Variants in ERBB4 observed in about 807,000 individuals in gnomAD.
ERBB4 encodes the protein receptor tyrosine-protein kinase erbB-4.
A neutral mutation model predicts 158.0 loss-of-function variants in ERBB4; 42 were observed. The ratio of observed to expected loss-of-function variants is 0.27; its 90% CI spans 0.21 to 0.34. ERBB4 has a LOEUF of 0.34. Ranked by LOEUF, ERBB4 falls within the 10% of genes least tolerant of loss-of-function variation. The probability of loss-of-function intolerance (pLI) is 1.00; values close to 1 mark genes in which losing one functional copy is unlikely to be tolerated. For synonymous variants in ERBB4, 583 were observed against 558.7 expected (o/e 1.04, Z -0.61); for missense variants, 1,333 against 1,624.1 (o/e 0.82, Z 3.08).
intron 12 of ERBB4, among the ~76,000 whole-genome samples, chr2:211,690,412 G>A (rs1409422517): frequency 1.3e-5 from 2 of 152,204 alleles, no homozygotes; most frequent in East Asian, 3.9e-4. Context: ...AAATTGGAGA[G>A]GAAGCTTCAG....
intron 20 of ERBB4, among the ~76,000 whole-genome samples, chr2:211,487,503 C>G (rs1472526063): frequency 6.6e-6 from 1 of 152,060 alleles, no homozygotes; most frequent in Non-Finnish European, 1.5e-5. Flanking sequence ...TAGACATACA[C>G]TCAAAACACC....
At chr2:211,976,828 T>C (rs756400272) in intron 2 of ERBB4, among the ~76,000 whole-genome samples, 2 of 152,088 alleles carry the variant, frequency 1.3e-5, no homozygotes, top group Non-Finnish European at 2.9e-5. Context: ...GGCAAGCATC[T>C]AAAAATAAAT....
chr2:211,745,928 CTAGAT>C (rs1391150983), intron 5 of ERBB4, among the ~76,000 whole-genome samples: 1 of 152,098 alleles, frequency 6.6e-6, no homozygotes, highest in African/African-American at 2.4e-5. Flanking sequence ...ACAGTTGTCT[CTAGAT>C]TAAGAACACT....
At chr2:211,593,200 G>C (rs1190778041) in intron 19 of ERBB4, among the ~76,000 whole-genome samples, 1 of 152,124 alleles carries the variant, frequency 6.6e-6, no homozygotes, top group African/African-American at 2.4e-5. Context: ...ACTGACGATG[G>C]AACAAGAAAG....
chr2:212,363,731 G>A (rs903817602), intron 1 of ERBB4, among the ~76,000 whole-genome samples: 4 of 151,354 alleles, frequency 2.6e-5, no homozygotes, highest in Non-Finnish European at 4.4e-5. Context: ...GATTTACACT[G>A]GAAAATTAAT....
At chr2:211,440,964 A>G (rs971917305) in intron 20 of ERBB4, among the ~76,000 whole-genome samples, 3 of 152,180 alleles carry the variant, frequency 2.0e-5, no homozygotes, top group Non-Finnish European at 4.4e-5. Flanking sequence ...CAACGCATGT[A>G]AAACTCGCAA....
At chr2:212,026,897 A>T (rs1414763071) in intron 2 of ERBB4, among the ~76,000 whole-genome samples, 1 of 151,944 alleles carries the variant, frequency 6.6e-6, no homozygotes, top group Non-Finnish European at 1.5e-5. Flanking sequence ...AGAAAGATTC[A>T]TTCATTAAAA....
intron 4 of ERBB4, among the ~76,000 whole-genome samples, chr2:211,773,031 A>ACTTCAGCC: frequency 7.0e-6 from 1 of 143,766 alleles, no homozygotes; most frequent in African/African-American, 2.6e-5. Flanking sequence ...GAATCCTCCC[A>ACTTCAGCC]CTTCAGCCTC....
At chr2:211,472,342 A>T (rs547031612) in intron 20 of ERBB4, among the ~76,000 whole-genome samples, 1 of 149,654 alleles carries the variant, frequency 6.7e-6, no homozygotes, top group African/African-American at 2.4e-5. Flanking sequence ...AATAATATTG[A>T]TATGATAAAA....
chr2:212,381,596 G>A (rs2090506139), intron 1 of ERBB4, among the ~76,000 whole-genome samples: 1 of 151,098 alleles, frequency 6.6e-6, no homozygotes, highest in Admixed American at 6.6e-5. Context: ...TTAAAATTGG[G>A]CTCTCTGCCA....
intron 1 of ERBB4, among the ~76,000 whole-genome samples, chr2:212,206,589 C>CTTTTT (rs5838309): frequency 1.0e-4 from 12 of 116,444 alleles, no homozygotes; most frequent in South Asian, 2.5e-4. Context: ...CTGTTCTGTT[C>CTTTTT]TTTTTTTTTT....
chr2:212,344,944 T>A (rs2088910751), intron 1 of ERBB4, among the ~76,000 whole-genome samples: 2 of 151,904 alleles, frequency 1.3e-5, no homozygotes, highest in South Asian at 4.1e-4. Context: ...GTTGCAAAAG[T>A]CAAATAAAAT....
At chr2:212,381,309 A>T (rs1320077933) in intron 1 of ERBB4, among the ~76,000 whole-genome samples, 2 of 151,302 alleles carry the variant, frequency 1.3e-5, no homozygotes, top group Non-Finnish European at 3.0e-5. Context: ...TTAAGTAACC[A>T]CTTCTACAGA....
At chr2:211,781,161 G>A (rs1251288742) in intron 4 of ERBB4, among the ~76,000 whole-genome samples, 1 of 152,122 alleles carries the variant, frequency 6.6e-6, no homozygotes, top group East Asian at 1.9e-4. Context: ...TGTAATAGAT[G>A]AGGTTTAATT....
chr2:211,826,730 G>T (rs1427753350), intron 3 of ERBB4, among the ~76,000 whole-genome samples: 1 of 151,870 alleles, frequency 6.6e-6, no homozygotes, highest in Non-Finnish European at 1.5e-5. Flanking sequence ...AGCCACAAAA[G>T]GATACACCAA....
At chr2:211,645,039 T>C (rs1213632864) in intron 16 of ERBB4, among the ~76,000 whole-genome samples, 20 of 151,888 alleles carry the variant, frequency 1.3e-4, no homozygotes, top group Admixed American at 1.3e-3. Flanking sequence ...GGCACTGAGT[T>C]AGTTGCTGGA....
intron 1 of ERBB4, among the ~76,000 whole-genome samples, chr2:212,351,861 G>A (rs961947577): frequency 1.3e-5 from 2 of 152,168 alleles, no homozygotes; most frequent in African/African-American, 4.8e-5. Context: ...AATTAGCACA[G>A]TGTCATCTTT....
intron 1 of ERBB4, among the ~76,000 whole-genome samples, chr2:212,434,358 A>G (rs2092092061): frequency 1.3e-5 from 2 of 152,002 alleles, no homozygotes; most frequent in Admixed American, 1.3e-4. Flanking sequence ...TAAAGTATCT[A>G]GATGGTGCTT....
chr2:212,213,895 A>ATTTG (rs2083013967), intron 1 of ERBB4, among the ~76,000 whole-genome samples: 1 of 151,784 alleles, frequency 6.6e-6, no homozygotes, highest in Non-Finnish European at 1.5e-5. Context: ...GGCTTATCAA[A>ATTTG]ATTCAGAGAA....
Sources: allele counts gnomAD v4.1 joint callset (sites outside exome capture counted in the v4.1 genomes callset), GRCh38; gene constraint gnomAD v4.1.1; transcripts MANE v1.5; gene names NCBI Gene and HGNC (gene_info 2026-07-23, HGNC 2026-07-21).